RNF8: variants seen among roughly 807,000 people sequenced by gnomAD.
RNF8 encodes ring finger protein 8, also known as E3 ubiquitin-protein ligase RNF8.
In RNF8, 8 loss-of-function variants were observed where a neutral mutation model predicts 59.3. That is an observed-to-expected ratio of 0.13 (90% CI 0.08 to 0.24). RNF8 has a LOEUF of 0.24. Among genes scored for constraint, RNF8 ranks in the 10% least tolerant of loss-of-function variants. RNF8 has a pLI of 1.00. For missense variants in RNF8, 406 were observed against 572.6 expected (o/e 0.71, Z 2.97); for synonymous variants, 162 against 200.0 (o/e 0.81, Z 1.60).
chr6:37,359,861 T>G (rs1253300722), intron 1 of RNF8, among the ~76,000 whole-genome samples: 2 of 152,242 alleles, frequency 1.3e-5, no homozygotes, highest in Non-Finnish European at 2.9e-5. Flanking sequence ...AAACCAGCAG[T>G]CCCTTCACAG....
At chr6:37,388,175 G>C (rs1005437428) in intron 7 of RNF8, among the ~76,000 whole-genome samples, 10 of 152,152 alleles carry the variant, frequency 6.6e-5, no homozygotes, top group Admixed American at 3.3e-4. Context: ...AGCAGGGATG[G>C]CCAGAGTGGA....
chr6:37,381,633 TACAC>T (rs1045854252), intron 7 of RNF8, among the ~76,000 whole-genome samples: 3 of 152,188 alleles, frequency 2.0e-5, no homozygotes, highest in Non-Finnish European at 4.4e-5. Context: ...TTTAAAAAAA[TACAC>T]ACAGTCAGAC....
chr6:37,383,933 T>C (rs1462354126), intron 7 of RNF8, among the ~76,000 whole-genome samples: 1 of 152,112 alleles, frequency 6.6e-6, no homozygotes, highest in East Asian at 1.9e-4. Context: ...TCCCCTCCCG[T>C]TTCTTCTGTT....
In RNF8 at chr6:37,393,690, A is replaced by G. The variant is rs1399419962; in HGVS notation, c.*2932A>G. On this transcript the variant is annotated 3_prime_UTR_variant, in exon 8 of 8. Coordinates refer to ENST00000373479, the MANE Select transcript of RNF8 (RefSeq NM_003958.4). ...TGTTAACCTAGAAAGGGCTCACTCTACCTCTAGGCATGTTTCATCCCAACA... is the reference window on the plus strand; with the variant it reads ...TGTTAACCTAGAAAGGGCTCACTCTGCCTCTAGGCATGTTTCATCCCAACA... 5 of 152,226 alleles carry G rather than the reference A, an allele frequency of 3.3e-5. No homozygotes were observed. The highest frequency in any genetic ancestry group is 1.2e-4 in the African/African-American group (5 of 41,452). 9.4% of individuals were successfully genotyped at this position (152,226 alleles called of 1,614,324 possible).
intron 6 of RNF8, among the ~76,000 whole-genome samples, chr6:37,380,266 A>G (rs1366175980): frequency 6.6e-6 from 1 of 152,154 alleles, no homozygotes; most frequent in Non-Finnish European, 1.5e-5. Context: ...GCCAGCCCAC[A>G]TTGGGAGTGT....
intron 7 of RNF8, among the ~76,000 whole-genome samples, chr6:37,381,798 T>C (rs886955039): frequency 6.6e-6 from 1 of 152,190 alleles, no homozygotes; most frequent in African/African-American, 2.4e-5. Flanking sequence ...CACCTGTGGT[T>C]TGAAACTGGC....
At chr6:37,385,145 C>G (rs1323837975) in intron 7 of RNF8, among the ~76,000 whole-genome samples, 6 of 151,808 alleles carry the variant, frequency 4.0e-5, no homozygotes, top group Non-Finnish European at 8.8e-5. Context: ...TCCCAAGTAG[C>G]TGGGATTACA....
intron 1 of RNF8, among the ~76,000 whole-genome samples, chr6:37,357,133 A>G (rs1211029532): frequency 6.6e-6 from 1 of 152,252 alleles, no homozygotes; most frequent in Non-Finnish European, 1.5e-5. Flanking sequence ...GATCTTTTAG[A>G]TCAATAATGT....
chr6:37,354,130 G>T lies in RNF8; in HGVS notation c.-35G>T. On this transcript the variant is annotated 5_prime_UTR_variant, in exon 1 of 8. Transcript: ENST00000373479. Reference sequence around the variant, plus strand: ...CAGCCAGAACCTAGGTCAGGGTCTCGCTCGGTGCTGACCGCCCCCGGGGTC... The same window carrying T: ...CAGCCAGAACCTAGGTCAGGGTCTCTCTCGGTGCTGACCGCCCCCGGGGTC... 1.9e-6 allele frequency: 3 copies of T among 1,541,548 alleles called. No individual in the cohort carries two copies. The highest frequency in any genetic ancestry group is 2.6e-6 in the Non-Finnish European group (3 of 1,137,142).
intron 4 of RNF8, among the ~76,000 whole-genome samples, chr6:37,374,224 C>T (rs972574605): frequency 7.2e-5 from 11 of 152,076 alleles, no homozygotes; most frequent in African/African-American, 2.4e-4. Flanking sequence ...TAATTACTTA[C>T]TAGTTCTTAA....
chr6:37,393,216 G>A lies in RNF8; in HGVS notation c.*2458G>A, dbSNP rs947120625. 6.6e-6 allele frequency: 1 copy of A among 152,322 alleles called. No homozygotes were observed. The highest frequency in any genetic ancestry group is 1.9e-4 in the East Asian group (1 of 5,190). 9.4% of individuals were successfully genotyped at this position (152,322 alleles called of 1,614,324 possible). On this transcript the variant is annotated 3_prime_UTR_variant, in exon 8 of 8. Coordinates refer to ENST00000373479, the MANE Select transcript of RNF8 (RefSeq NM_003958.4). Reference sequence around the variant, plus strand: ...GGCCCTGCTGTTAGTAACTGTGTGAGCCTTGGGCAAGTTACTCAGCCTCCT... The same window carrying A: ...GGCCCTGCTGTTAGTAACTGTGTGAACCTTGGGCAAGTTACTCAGCCTCCT...
At chr6:37,355,098 G>T (rs1769065139) in intron 1 of RNF8, among the ~76,000 whole-genome samples, 1 of 152,064 alleles carries the variant, frequency 6.6e-6, no homozygotes, top group African/African-American at 2.4e-5. Context: ...AATATTTTAA[G>T]GGGAAAGATG....
chr6:37,391,116 A>G lies in RNF8; in HGVS notation c.*358A>G, dbSNP rs950339211. The G allele has an allele frequency of 6.4e-5, 28 of 434,528 alleles. No homozygotes were observed. The highest frequency in any genetic ancestry group is 5.7e-4 in the African/African-American group (28 of 49,294). 26.9% of individuals were successfully genotyped at this position (434,528 alleles called of 1,614,324 possible). A position where few individuals can be genotyped will look rare whatever the true frequency, so the allele number is the denominator to read the frequency against. ...ACACCTCCGTTGACAGTTGTTTTGG[A>G]TAGGTTGGGTGTACCCCATGGCTGC... On this transcript the variant is annotated 3_prime_UTR_variant, in exon 8 of 8. Transcript: ENST00000373479.
intron 7 of RNF8, among the ~76,000 whole-genome samples, chr6:37,381,954 G>A (rs1469368995): frequency 6.6e-6 from 1 of 152,168 alleles, no homozygotes; most frequent in African/African-American, 2.4e-5. Flanking sequence ...TGGAACTGAA[G>A]TTTTACCACT....
chr6:37,387,434 T>A (rs943508834), intron 7 of RNF8, among the ~76,000 whole-genome samples: 1 of 152,166 alleles, frequency 6.6e-6, no homozygotes, highest in Non-Finnish European at 1.5e-5. Context: ...CTCCGCCTCC[T>A]GGGCTCAAGC....
rs537901517 is a variant in RNF8 at position 37,372,016 on chromosome 6, A to G, written c.1038+442A>G. Among the ~76,000 whole-genome samples the G allele has an allele frequency of 4.6e-5, 7 of 152,354 alleles. No individual in the cohort carries two copies. In the South Asian group the frequency reaches 1.4e-3, roughly 32 times the overall value. The stretch of plus-strand genomic sequence containing the variant: ...TTAAGCATTTTAGGCCAGGTTGAGA[A>G]TGTGCAGTTTAACAATCAACAACAC... On this transcript the variant is annotated intron_variant, in intron 4 of 7. Coordinates refer to ENST00000373479, the MANE Select transcript of RNF8 (RefSeq NM_003958.4).
At chr6:37,390,372 G>A (rs1424159454) in intron 7 of RNF8, among the ~76,000 whole-genome samples, 1 of 152,238 alleles carries the variant, frequency 6.6e-6, no homozygotes, top group African/African-American at 2.4e-5. Context: ...CTCTGAAGGA[G>A]GTGGCCATGC....
chr6:37,392,557 A>G lies in RNF8; in HGVS notation c.*1799A>G. 2.5e-6 allele frequency: 1 copy of G among 398,622 alleles called. No homozygotes were observed. Among genetic ancestry groups the G allele is most frequent in the Non-Finnish European group, 4.4e-6 (1 of 226,058 alleles). The allele number at this position is 398,622 out of a possible 1,614,324, so 24.7% of individuals were successfully genotyped here. ...CATGTGGTCTTTTTCCTTGCTTTGC[A>G]CAAATGGTAAACTGTACGCTATTCT... On this transcript the variant is annotated 3_prime_UTR_variant, in exon 8 of 8. Coordinates refer to ENST00000373479, the MANE Select transcript of RNF8 (RefSeq NM_003958.4).
chr6:37,354,015 G>C lies in RNF8; in HGVS notation c.-150G>C. On this transcript the variant is annotated 5_prime_UTR_variant, in exon 1 of 8. Transcript: ENST00000373479. ...TCCTGCTTCCTGGCCGAGGGCGGGC[G>C]AGCGGAGCCTGCTTTCGCAGCGATC... 1.4e-6 allele frequency: 1 copy of C among 713,236 alleles called. No individual in the cohort carries two copies. The highest frequency in any genetic ancestry group is 2.4e-6 in the Non-Finnish European group (1 of 421,304). 44.2% of individuals were successfully genotyped at this position (713,236 alleles called of 1,614,324 possible).
Sources: gnomAD v4.1 joint callset for allele counts (sites outside exome capture counted in the v4.1 genomes callset) on GRCh38, gnomAD v4.1.1 for gene constraint, MANE v1.5 for transcripts, NCBI Gene and HGNC (gene_info 2026-07-23, HGNC 2026-07-21) for gene names.